Variants in C3orf22 observed in about 807,000 individuals in gnomAD.
The protein encoded by C3orf22 is uncharacterized protein C3orf22.
Under a neutral mutation model 10.8 loss-of-function variants are expected in C3orf22, and 7 were observed. The ratio of observed to expected loss-of-function variants is 0.65; its 90% CI spans 0.37 to 1.22. The LOEUF is 1.22. Ranked by LOEUF, C3orf22 falls within the 50% of genes most tolerant of loss-of-function variation. The pLI is 0.02. For synonymous variants in C3orf22, 79 were observed against 78.9 expected, an observed-to-expected ratio of 1.00 and a Z score of 0.00; for missense variants, 173 against 177.0, an observed-to-expected ratio of 0.98 and a Z score of 0.13.
chr3:126,543,252 G>A lies in C3orf22; in HGVS notation c.286+6285C>T, dbSNP rs544804103. 24 of 152,358 alleles carry A rather than the reference G, an allele frequency of 1.6e-4. No individual in the cohort carries two copies. In the East Asian group the frequency reaches 3.9e-3, roughly 25 times the overall value. 9.4% of individuals were successfully genotyped at this position (152,358 alleles called of 1,614,324 possible). On this transcript the variant is annotated intron_variant and NMD_transcript_variant, in intron 4 of 5. Transcript: ENST00000505070. ...TTTATGGGACTTTGGTGAGCTGGGC[G>A]GTCATGGTTTTGAAATAAATGTATT...
At position 126,553,514 on chromosome 3, in the gene C3orf22, G is replaced by T. The variant is rs574722601; in HGVS notation, c.-40-84C>A. On this transcript the variant is annotated intron_variant, in intron 1 of 3. Transcript: ENST00000318225. Reference sequence around the variant, plus strand: ...TGATGAGTACCCAGCAGGGCTGGGGGTGCCTGCGGGCCGCCAAATGACCTG... The same window carrying T: ...TGATGAGTACCCAGCAGGGCTGGGGTTGCCTGCGGGCCGCCAAATGACCTG... 6.3e-5 allele frequency: 55 copies of T among 874,680 alleles called. No individual in the cohort carries two copies. In the African/African-American group the frequency reaches 8.6e-4, roughly 14 times the overall value. The allele number at this position is 874,680 out of a possible 1,614,324, so 54.2% of individuals were successfully genotyped here. A position where few individuals can be genotyped will look rare whatever the true frequency, so the allele number is the denominator to read the frequency against.
intron 1 of C3orf22, among the ~76,000 whole-genome samples, chr3:126,554,374 C>T (rs952848687): frequency 1.3e-5 from 2 of 151,732 alleles, no homozygotes; most frequent in Non-Finnish European, 2.9e-5. Context: ...AGCAATTCTC[C>T]TGCCTCAGCC....
intron 4 of C3orf22, chr3:126,543,213 A>G (rs898385570): frequency 6.6e-6 from 1 of 152,252 alleles, no homozygotes; most frequent in African/African-American, 2.4e-5. Flanking sequence ...CCCTGGTGCA[A>G]TGCGGTCACA....
intron 5 of C3orf22, among the ~76,000 whole-genome samples, chr3:126,528,842 C>T (rs181189534): frequency 4.5e-4 from 68 of 152,336 alleles, no homozygotes; most frequent in African/African-American, 1.6e-3. Flanking sequence ...CCAATGTGTC[C>T]TTCCCTTGGG....
intron 4 of C3orf22, among the ~76,000 whole-genome samples, chr3:126,535,245 C>T (rs934700105): frequency 2.7e-5 from 4 of 150,080 alleles, no homozygotes; most frequent in Non-Finnish European, 4.4e-5. Flanking sequence ...TCCCTGTCCT[C>T]AGCTGGGAGA....
At chr3:126,547,288 C>T (rs1011710578), downstream of C3orf22, among the ~76,000 whole-genome samples, 1 of 152,190 alleles carries the variant, frequency 6.6e-6, no homozygotes, top group Non-Finnish European at 1.5e-5. Context: ...TATTGCTGCA[C>T]CATCTCTCTC....
Position 126,549,823 on chromosome 3 carries a change from A to G in C3orf22, c.*45T>C. On this transcript the variant is annotated 3_prime_UTR_variant, in exon 4 of 4. Transcript: ENST00000318225. Reference sequence around the variant, plus strand: ...CTGTGGCTACTGCCCAGAGCCTGCCAAGGAGAAGGTGGCCAATAAGAAGGC... The same window carrying G: ...CTGTGGCTACTGCCCAGAGCCTGCCGAGGAGAAGGTGGCCAATAAGAAGGC... 1 of 1,574,396 alleles carries G rather than the reference A, an allele frequency of 6.4e-7. No homozygotes were observed. Among genetic ancestry groups the G allele is most frequent in the Non-Finnish European group, 8.6e-7 (1 of 1,160,036 alleles).
chr3:126,553,151 A>T, intron 2 of C3orf22, 151 bp downstream of exon 2: 1 of 715,896 alleles, frequency 1.4e-6, no homozygotes, highest in East Asian at 2.5e-5. Context: ...GGCGGACCCC[A>T]GACTGTCAGC....
intron 4 of C3orf22, chr3:126,536,455 T>G: frequency 2.3e-6 from 2 of 858,586 alleles, no homozygotes; most frequent in Non-Finnish European, 3.7e-6. Flanking sequence ...GACCCCACAC[T>G]GGGGCACAGA....
chr3:126,549,263 AC>A (rs373810384), downstream of C3orf22, among the ~76,000 whole-genome samples: 2,728 of 121,550 alleles, frequency 0.022, 120 homozygotes, highest in African/African-American at 0.087. Context: ...CCCCCCCCCC[AC>A]ACACACACAT....
intron 4 of C3orf22, among the ~76,000 whole-genome samples, chr3:126,543,743 A>G (rs1937022340): frequency 6.6e-6 from 1 of 151,224 alleles, no homozygotes; most frequent in Admixed American, 6.6e-5. Flanking sequence ...TGTGAGAGGA[A>G]TTGTGTGTAT....
At chr3:126,533,339 T>C (rs1440709559) in intron 4 of C3orf22, among the ~76,000 whole-genome samples, 1 of 152,190 alleles carries the variant, frequency 6.6e-6, no homozygotes, top group Non-Finnish European at 1.5e-5. Context: ...AGTCTTTCAC[T>C]ATTAAGTTAT....
At chr3:126,550,770 C>T (rs187665102) in intron 3 of C3orf22, among the ~76,000 whole-genome samples, 228 of 152,292 alleles carry the variant, frequency 1.5e-3, no homozygotes, top group African/African-American at 4.1e-3. Flanking sequence ...CCCTGGGAGC[C>T]GCTTGGTCCC....
chr3:126,531,577 A>G (rs925288847), intron 4 of C3orf22, among the ~76,000 whole-genome samples: 5 of 152,208 alleles, frequency 3.3e-5, no homozygotes, highest in Non-Finnish European at 1.5e-5. Flanking sequence ...CTGGCCTTTT[A>G]TGTCTGGCTC....
chr3:126,532,994 T>C (rs1180190167), intron 4 of C3orf22, among the ~76,000 whole-genome samples: 2 of 152,234 alleles, frequency 1.3e-5, no homozygotes, highest in African/African-American at 4.8e-5. Context: ...TGTTACCAAC[T>C]TCTTCTTTAT....
intron 4 of C3orf22, among the ~76,000 whole-genome samples, chr3:126,532,208 C>T (rs1184066428): frequency 2.0e-5 from 3 of 152,180 alleles, no homozygotes; most frequent in East Asian, 1.9e-4. Flanking sequence ...CTCCCAACTA[C>T]GGATTGTCAT....
At chr3:126,538,025 G>A (rs1936835195) in intron 4 of C3orf22, among the ~76,000 whole-genome samples, 1 of 152,176 alleles carries the variant, frequency 6.6e-6, no homozygotes, top group Non-Finnish European at 1.5e-5. Flanking sequence ...GAGTCCCAAG[G>A]GGCCTGAGTT....
intron 4 of C3orf22, among the ~76,000 whole-genome samples, chr3:126,534,643 C>A (rs999313920): frequency 6.7e-6 from 1 of 148,428 alleles, no homozygotes; most frequent in Non-Finnish European, 1.5e-5. Context: ...TGTCCTCAGC[C>A]GGGAGACAGA....
intron 4 of C3orf22, among the ~76,000 whole-genome samples, chr3:126,537,931 C>T (rs1009877636): frequency 2.6e-5 from 4 of 152,154 alleles, no homozygotes; most frequent in East Asian, 1.9e-4. Flanking sequence ...CTAGAGCCAG[C>T]AAGGAATCCA....
Sources: gnomAD v4.1 joint callset for allele counts (sites outside exome capture counted in the v4.1 genomes callset) on GRCh38, gnomAD v4.1.1 for gene constraint, MANE v1.5 for transcripts, NCBI Gene and HGNC (gene_info 2026-07-23, HGNC 2026-07-21) for gene names.